Variants in STMN2 observed in about 807,000 individuals in gnomAD.
STMN2 encodes stathmin 2, also known as stathmin-2.
In STMN2, 2 loss-of-function variants were observed where a neutral mutation model predicts 24.1. The ratio of observed to expected loss-of-function variants is 0.08; its 90% CI spans 0.03 to 0.26. The LOEUF (loss-of-function observed/expected upper bound fraction) is 0.26, where lower values mean the gene tolerates loss of function less well. STMN2 is among the 10% of genes least tolerant of loss of function. The probability of loss-of-function intolerance (pLI) is 1.00; values close to 1 mark genes in which losing one functional copy is unlikely to be tolerated. For synonymous variants in STMN2, 83 were observed against 77.5 expected (o/e 1.07, Z -0.37); for missense variants, 114 against 213.6 (o/e 0.53, Z 2.91).
intron 1 of STMN2, among the ~76,000 whole-genome samples, chr8:79,625,200 G>GT (rs1056525938): frequency 4.6e-5 from 7 of 151,952 alleles, no homozygotes; most frequent in African/African-American, 1.5e-4. Flanking sequence ...ATTTTGAACT[G>GT]TTTTTTATTT....
rs1174587361 is a variant in STMN2 at position 79,631,379 on chromosome 8, A to T, written c.20-5423A>T. ...AACTATAATGCTTTGGTTGGTCAAA[A>T]TATTAATCTTTCAAAACCTCCCTGG... On this transcript the variant is annotated intron_variant, in intron 1 of 4. Coordinates refer to ENST00000220876, the MANE Select transcript of STMN2 (RefSeq NM_007029.4). 3 of 956,882 alleles carry T rather than the reference A, an allele frequency of 3.1e-6. No homozygotes were observed. In the African/African-American group the frequency reaches 5.3e-5, roughly 17 times the overall value. The allele number at this position is 956,882 out of a possible 1,614,324, so 59.3% of individuals were successfully genotyped here. A position where few individuals can be genotyped will look rare whatever the true frequency, so the allele number is the denominator to read the frequency against.
chr8:79,636,751 A>C, intron 1 of STMN2, 51 bp from the exon 2 acceptor site: 1 of 1,528,246 alleles, frequency 6.5e-7, no homozygotes, highest in Non-Finnish European at 9.0e-7. Flanking sequence ...GAAGCAGTAA[A>C]GAGAAATTCA....
At chr8:79,626,352 C>T (rs1015862651) in intron 1 of STMN2, among the ~76,000 whole-genome samples, 6 of 152,196 alleles carry the variant, frequency 3.9e-5, no homozygotes, top group African/African-American at 1.2e-4. Context: ...TGAAGTTTGC[C>T]TTTTGAAGGA....
intron 1 of STMN2, among the ~76,000 whole-genome samples, chr8:79,628,690 C>T (rs1170575976): frequency 6.6e-6 from 1 of 152,066 alleles, no homozygotes; most frequent in South Asian, 2.1e-4. Context: ...AACTGCTGGA[C>T]ATTAATATGC....
chr8:79,640,131 C>G (rs571311907), intron 2 of STMN2, among the ~76,000 whole-genome samples: 2 of 152,152 alleles, frequency 1.3e-5, no homozygotes, highest in East Asian at 3.9e-4. Flanking sequence ...ACCTGGGAGG[C>G]GGAGGTTGCA....
chr8:79,658,461 T>C (rs1040222771), intron 4 of STMN2, among the ~76,000 whole-genome samples: 2 of 152,130 alleles, frequency 1.3e-5, no homozygotes, highest in African/African-American at 4.8e-5. Context: ...CAATACAAAA[T>C]TCAGCAATAA....
At chr8:79,628,993 T>C (rs1449867275) in intron 1 of STMN2, among the ~76,000 whole-genome samples, 1 of 152,222 alleles carries the variant, frequency 6.6e-6, no homozygotes, top group African/African-American at 2.4e-5. Flanking sequence ...TGAGTCTACA[T>C]GCAAAGTTTG....
chr8:79,618,397 C>T (rs1031850398), intron 1 of STMN2, among the ~76,000 whole-genome samples: 2 of 152,208 alleles, frequency 1.3e-5, no homozygotes, highest in African/African-American at 4.8e-5. Flanking sequence ...TTGACTTAAT[C>T]TCCTCAGTCC....
At chr8:79,624,311 G>A (rs1326837035) in intron 1 of STMN2, among the ~76,000 whole-genome samples, 3 of 151,838 alleles carry the variant, frequency 2.0e-5, no homozygotes, top group Admixed American at 1.3e-4. Flanking sequence ...AAAATTAGCC[G>A]GGTGTGGTGG....
At chr8:79,642,743 CTTAGA>C (rs1044478322) in intron 3 of STMN2, among the ~76,000 whole-genome samples, 39 of 151,568 alleles carry the variant, frequency 2.6e-4, no homozygotes, top group Non-Finnish European at 4.4e-4. Flanking sequence ...ATTAGAAATC[CTTAGA>C]TTAAATTTTC....
chr8:79,654,790 T>C (rs2130385559), intron 3 of STMN2, 81 bp from the exon 4 acceptor site: 2 of 1,449,886 alleles, frequency 1.4e-6, no homozygotes, highest in South Asian at 2.7e-5. Flanking sequence ...CTGAAAAGAA[T>C]GCTCCCTCCA....
intron 3 of STMN2, 102 bp from the exon 4 acceptor site, chr8:79,654,769 G>A: frequency 7.8e-7 from 1 of 1,275,958 alleles, no homozygotes; most frequent in Non-Finnish European, 1.1e-6. Flanking sequence ...AAGGCTGGGA[G>A]TACTATTCAT....
At chr8:79,663,548 A>AATAG in intron 4 of STMN2, 2 of 1,402,284 alleles carry the variant, frequency 1.4e-6, no homozygotes, top group African/African-American at 2.9e-5. Flanking sequence ...CCTTGAGATT[A>AATAG]ATAGAGTTTA....
chr8:79,648,559 T>C (rs1321003504), intron 3 of STMN2, among the ~76,000 whole-genome samples: 1 of 144,184 alleles, frequency 6.9e-6, no homozygotes, highest in Non-Finnish European at 1.5e-5. Flanking sequence ...ACCTCCCAGG[T>C]TCAAGCAATT....
At chr8:79,619,090 T>G (rs1402497292) in intron 1 of STMN2, among the ~76,000 whole-genome samples, 2 of 152,040 alleles carry the variant, frequency 1.3e-5, no homozygotes, top group African/African-American at 2.4e-5. Flanking sequence ...TTACAAAGAT[T>G]GTAAAGCAAC....
chr8:79,615,982 T>A (rs1163947753), intron 1 of STMN2, among the ~76,000 whole-genome samples: 1 of 152,196 alleles, frequency 6.6e-6, no homozygotes, highest in African/African-American at 2.4e-5. Flanking sequence ...TTTTAATGCT[T>A]AAAAATAAAG....
rs1563451767 is a variant in STMN2, at chr8:79,664,898, C to A, written c.*24C>A. ...GAAGCAAGGGAGGGTCTGGCACGCCCCACCAATAGTAAATCCCCCTGCCTA... is the reference window on the plus strand; with the variant it reads ...GAAGCAAGGGAGGGTCTGGCACGCCACACCAATAGTAAATCCCCCTGCCTA... On this transcript the variant is annotated 3_prime_UTR_variant, in exon 5 of 5. Coordinates refer to ENST00000220876, the MANE Select transcript of STMN2 (RefSeq NM_007029.4). 1 of 1,609,314 alleles carries A rather than the reference C, an allele frequency of 6.2e-7. No individual in the cohort carries two copies. Among genetic ancestry groups the A allele is most frequent in the South Asian group, 1.1e-5 (1 of 90,524 alleles).
intron 3 of STMN2, among the ~76,000 whole-genome samples, chr8:79,650,691 T>A (rs557560473): frequency 2.0e-5 from 3 of 152,196 alleles, no homozygotes; most frequent in Non-Finnish European, 2.9e-5. Context: ...AGCGAGGTTA[T>A]GCCTTTCTAC....
intron 1 of STMN2, among the ~76,000 whole-genome samples, chr8:79,629,344 T>A (rs1361329135): frequency 6.6e-6 from 1 of 152,166 alleles, no homozygotes; most frequent in African/African-American, 2.4e-5. Context: ...ATAAGACATA[T>A]TACTTAAGTA....
Sources: allele counts gnomAD v4.1 joint callset (sites outside exome capture counted in the v4.1 genomes callset), GRCh38; gene constraint gnomAD v4.1.1; transcripts MANE v1.5; gene names NCBI Gene and HGNC (gene_info 2026-07-23, HGNC 2026-07-21).